Variants in MLLT3 observed in about 807,000 individuals in gnomAD.
The protein encoded by MLLT3 is protein AF-9.
In MLLT3, 4 loss-of-function variants were observed where a neutral mutation model predicts 53.2. The observed-to-expected ratio is 0.08, with a 90% CI of 0.04 to 0.17. The LOEUF is 0.17. Among genes scored for constraint, MLLT3 ranks in the 10% least tolerant of loss-of-function variants. The probability of loss-of-function intolerance (pLI) is 1.00; values close to 1 mark genes in which losing one functional copy is unlikely to be tolerated. For missense variants in MLLT3, 569 were observed against 684.0 expected, an observed-to-expected ratio of 0.83 and a Z score of 1.87; for synonymous variants, 283 against 230.6, an observed-to-expected ratio of 1.23 and a Z score of -2.06.
chr9:20,580,771 A>T lies in MLLT3; in HGVS notation c.193+39883T>A, dbSNP rs914391844. On this transcript the variant is annotated intron_variant, in intron 2 of 10. Coordinates refer to ENST00000380338, the MANE Select transcript of MLLT3 (RefSeq NM_004529.4). ...CAGTCAAAATTCATTTTTGTATAAA[A>T]TATTTACTGTATTAGACGTAGCATT... 2.0e-5 allele frequency among the ~76,000 whole-genome samples: 3 copies of T among 152,224 alleles called. No homozygotes were observed. The East Asian group carries it at 5.8e-4, about 29-fold the overall frequency.
rs1018974631 is a variant in MLLT3, at chr9:20,344,079, T to C, written c.*2364A>G. The stretch of plus-strand genomic sequence containing the variant: ...AACTTTATCAATTTACAAACTTACA[T>C]TTTAGGATATTCTGAAGAAATTAAC... On this transcript the variant is annotated 3_prime_UTR_variant, in exon 11 of 11. Transcript: ENST00000380338. 1 of 198,194 alleles carries C rather than the reference T, an allele frequency of 5.0e-6. No individual in the cohort carries two copies. The highest frequency in any genetic ancestry group is 1.0e-5 in the Non-Finnish European group (1 of 95,940). 12.3% of individuals were successfully genotyped at this position (198,194 alleles called of 1,614,324 possible). A position where few individuals can be genotyped will look rare whatever the true frequency, so the allele number is the denominator to read the frequency against.
intron 5 of MLLT3, among the ~76,000 whole-genome samples, chr9:20,377,016 T>C (rs981065169): frequency 2.0e-5 from 3 of 152,210 alleles, no homozygotes; most frequent in Non-Finnish European, 2.9e-5. Flanking sequence ...CAAAGACATA[T>C]GTTTTAGCTG....
At chr9:20,524,521 CT>C (rs1045069654) in intron 2 of MLLT3, among the ~76,000 whole-genome samples, 1 of 150,262 alleles carries the variant, frequency 6.7e-6, no homozygotes, top group African/African-American at 2.5e-5. Context: ...CGAAAAATAA[CT>C]TTTTTTAAAA....
chr9:20,559,790 C>G (rs1199399281), intron 2 of MLLT3, among the ~76,000 whole-genome samples: 3 of 152,154 alleles, frequency 2.0e-5, no homozygotes, highest in African/African-American at 7.2e-5. Flanking sequence ...GGAATAGTCA[C>G]TCCTGAATGT....
At chr9:20,351,940 G>T (rs1411287120) in intron 10 of MLLT3, among the ~76,000 whole-genome samples, 1 of 152,190 alleles carries the variant, frequency 6.6e-6, no homozygotes, top group Admixed American at 6.5e-5. Flanking sequence ...CTTTCAACCG[G>T]CCTGGGAATG....
At chr9:20,469,259 C>A (rs532293980) in intron 2 of MLLT3, among the ~76,000 whole-genome samples, 3 of 152,114 alleles carry the variant, frequency 2.0e-5, no homozygotes, top group African/African-American at 7.2e-5. Context: ...AATGAAACAA[C>A]AGAACATACC....
chr9:20,507,705 C>G lies in MLLT3; in HGVS notation c.194-50919G>C, dbSNP rs1398873235. ...AGCAGCAATATTAGAAGAAAATTAA[C>G]CAATCACAAAATGTCATGTAGTCTA... On this transcript the variant is annotated intron_variant, in intron 2 of 10. Coordinates refer to ENST00000380338, the MANE Select transcript of MLLT3 (RefSeq NM_004529.4). 2.2e-5 allele frequency among the ~76,000 whole-genome samples: 3 copies of G among 136,830 alleles called. No individual in the cohort carries two copies. The Admixed American group carries it at 2.2e-4, about 10-fold the overall frequency. The allele number at this position is 136,830 out of a possible 152,430, so 89.8% of individuals were successfully genotyped here.
At chr9:20,419,872 C>G (rs1822963447) in intron 4 of MLLT3, among the ~76,000 whole-genome samples, 1 of 152,054 alleles carries the variant, frequency 6.6e-6, no homozygotes, top group Non-Finnish European at 1.5e-5. Context: ...TAAAATGTAT[C>G]TTGCACAATA....
intron 2 of MLLT3, among the ~76,000 whole-genome samples, chr9:20,597,928 T>C (rs1820319138): frequency 6.6e-6 from 1 of 152,224 alleles, no homozygotes; most frequent in African/African-American, 2.4e-5. Context: ...CAAAGCACCA[T>C]TTAAAATCAA....
intron 6 of MLLT3, 81 bp downstream of exon 6, chr9:20,365,588 T>G: frequency 6.7e-7 from 1 of 1,486,054 alleles, no homozygotes; most frequent in Non-Finnish European, 9.4e-7. Flanking sequence ...GACCTCTTGA[T>G]CCACCCGTGT....
At chr9:20,525,687 C>G (rs957302554) in intron 2 of MLLT3, among the ~76,000 whole-genome samples, 3 of 152,190 alleles carry the variant, frequency 2.0e-5, no homozygotes, top group Non-Finnish European at 4.4e-5. Context: ...CCCAAGGTCA[C>G]TGAGCACACA....
At position 20,342,723 on chromosome 9, in the gene MLLT3, A is replaced by C; in HGVS notation, c.*3720T>G. On this transcript the variant is annotated 3_prime_UTR_variant, in exon 11 of 11. Coordinates refer to ENST00000380338, the MANE Select transcript of MLLT3 (RefSeq NM_004529.4). Reference sequence around the variant, plus strand: ...AGACTTCCAGCCCGAGACTAAACTAAACCATGGGAATTGACTCCTTAACAT... The same window carrying C: ...AGACTTCCAGCCCGAGACTAAACTACACCATGGGAATTGACTCCTTAACAT... 1 of 204,570 alleles carries C rather than the reference A, an allele frequency of 4.9e-6. No homozygotes were observed. Among genetic ancestry groups the C allele is most frequent in the Non-Finnish European group, 1.0e-5 (1 of 100,096 alleles). 12.7% of individuals were successfully genotyped at this position (204,570 alleles called of 1,614,324 possible).
At chr9:20,385,312 T>C (rs903373911) in intron 5 of MLLT3, among the ~76,000 whole-genome samples, 3 of 152,124 alleles carry the variant, frequency 2.0e-5, no homozygotes, top group African/African-American at 7.2e-5. Context: ...TACGGAAAGA[T>C]AATGTAAGCA....
At chr9:20,431,965 C>T (rs1201805581) in intron 4 of MLLT3, among the ~76,000 whole-genome samples, 2 of 152,060 alleles carry the variant, frequency 1.3e-5, no homozygotes, top group Non-Finnish European at 2.9e-5. Flanking sequence ...TGTTTAAAAG[C>T]TCAAGAAACT....
At chr9:20,583,877 A>G (rs559534849) in intron 2 of MLLT3, among the ~76,000 whole-genome samples, 3 of 152,244 alleles carry the variant, frequency 2.0e-5, no homozygotes, top group African/African-American at 7.2e-5. Context: ...CATTTTCCCC[A>G]TGGTCTTGGG....
chr9:20,402,907 C>T (rs1247580814), intron 5 of MLLT3, among the ~76,000 whole-genome samples: 1 of 152,134 alleles, frequency 6.6e-6, no homozygotes, highest in Non-Finnish European at 1.5e-5. Context: ...AGATGCTGGA[C>T]CAAGAGGTCA....
intron 2 of MLLT3, among the ~76,000 whole-genome samples, chr9:20,488,207 G>A (rs1295679498): frequency 6.6e-6 from 1 of 152,004 alleles, no homozygotes; most frequent in African/African-American, 2.4e-5. Flanking sequence ...TCAGAAGGAG[G>A]GGGGAATAGG....
In MLLT3 at chr9:20,620,964, T is replaced by C. The variant is rs1306132124; in HGVS notation, c.13-130A>G. ...AAAGGAAACGGCGGTGCCCTCTGCA[T>C]CCACGTTTCACGCGCGTGGGCGCGC... On this transcript the variant is annotated intron_variant, in intron 1 of 10. Transcript: ENST00000380338. This position sits in a 1 kb window ranked among gnomAD's most constrained non-coding sequence, Gnocchi z 6.1. 1.8e-6 allele frequency: 2 copies of C among 1,100,094 alleles called. No individual in the cohort carries two copies. The highest frequency in any genetic ancestry group is 2.7e-6 in the Non-Finnish European group (2 of 746,594). 68.1% of individuals were successfully genotyped at this position (1,100,094 alleles called of 1,614,324 possible).
intron 5 of MLLT3, among the ~76,000 whole-genome samples, chr9:20,373,313 A>C (rs1214411046): frequency 6.6e-6 from 1 of 152,228 alleles, no homozygotes; most frequent in East Asian, 1.9e-4. Context: ...CAGGATTTGC[A>C]ATACAATCTT....
Sources: gnomAD v4.1 joint callset for allele counts (sites outside exome capture counted in the v4.1 genomes callset) on GRCh38, gnomAD v4.1.1 for gene constraint, Gnocchi (gnomAD v3.1) non-coding constraint, MANE v1.5 for transcripts, NCBI Gene and HGNC (gene_info 2026-07-23, HGNC 2026-07-21) for gene names.